The following RNF128 variants were observed in gnomAD, a reference collection of about 807,000 sequenced individuals.
The protein encoded by RNF128 is ring finger protein 128.
In RNF128, 13 loss-of-function variants were observed where a neutral mutation model predicts 26.2. That is an observed-to-expected ratio of 0.50 (90% CI 0.32 to 0.79). The LOEUF (loss-of-function observed/expected upper bound fraction) is 0.79, where lower values mean the gene tolerates loss of function less well. Among genes scored for constraint, RNF128 ranks in the 30% least tolerant of loss-of-function variants. The pLI is 0.03. For missense variants in RNF128, 315 were observed against 349.7 expected (o/e 0.90, Z 0.79); for synonymous variants, 149 against 142.5 (o/e 1.05, Z -0.32).
chrX:106,761,984 A>C, intron 1 of RNF128, among the ~76,000 whole-genome samples: 1 of 109,838 alleles, frequency 9.1e-6, no homozygotes, highest in Non-Finnish European at 1.9e-5. Context: ...TTTATAATTG[A>C]CACATAATTG....
At chrX:106,756,036 G>C (rs1468566225) in intron 1 of RNF128, among the ~76,000 whole-genome samples, 2 of 110,256 alleles carry the variant, frequency 1.8e-5, no homozygotes, top group East Asian at 5.7e-4. Flanking sequence ...CAAGGGATGT[G>C]AAGGACCTCT....
At chrX:106,762,097 ATTTG>A (rs1053730710) in intron 1 of RNF128, among the ~76,000 whole-genome samples, 6 of 110,745 alleles carry the variant, frequency 5.4e-5, no homozygotes, top group African/African-American at 2.0e-4. Context: ...AACATTTTTC[ATTTG>A]TTTGTGGTAA....
chrX:106,740,350 G>T (rs905661184), intron 1 of RNF128, among the ~76,000 whole-genome samples: 37 of 111,185 alleles, frequency 3.3e-4, no homozygotes, highest in African/African-American at 1.0e-3. Context: ...AACATTTAAG[G>T]TACAGAGTAC....
At chrX:106,719,355 G>A (rs767595650) in intron 1 of RNF128, among the ~76,000 whole-genome samples, 3 of 110,696 alleles carry the variant, frequency 2.7e-5, no homozygotes, top group Non-Finnish European at 5.7e-5. Context: ...CGAGTACCTG[G>A]GATTACAGGT....
upstream of RNF128, among the ~76,000 whole-genome samples, chrX:106,722,713 A>G (rs757033338): frequency 8.9e-6 from 1 of 111,744 alleles, no homozygotes; most frequent in South Asian, 3.8e-4. Context: ...AGACCAATAT[A>G]TAAGCCAGAA....
chrX:106,694,407 T>C (rs201396943), exon 1 of RNF128: 184 of 1,171,323 alleles, frequency 1.6e-4, no homozygotes, highest in Non-Finnish European at 2.0e-4. Flanking sequence ...TGGCAAATTT[T>C]GGTAAGTAAT....
chrX:106,744,104 G>A (rs1184231226), intron 1 of RNF128, among the ~76,000 whole-genome samples: 6 of 108,691 alleles, frequency 5.5e-5, no homozygotes, highest in African/African-American at 2.0e-4. Context: ...GGCCTGTTGG[G>A]TGGGGGAAGG....
chrX:106,716,094 T>C (rs1179253364), intron 1 of RNF128, among the ~76,000 whole-genome samples: 2 of 111,741 alleles, frequency 1.8e-5, no homozygotes, highest in African/African-American at 3.3e-5. Flanking sequence ...TGCTATATCC[T>C]CTACTGAAAT....
At chrX:106,720,064 A>G (rs762937180) in intron 1 of RNF128, among the ~76,000 whole-genome samples, 1 of 111,299 alleles carries the variant, frequency 9.0e-6, no homozygotes, top group East Asian at 2.8e-4. Context: ...GGAAACCTGA[A>G]AAGGAAAGAT....
At chrX:106,758,724 T>A (rs1236688184) in intron 1 of RNF128, among the ~76,000 whole-genome samples, 1 of 111,759 alleles carries the variant, frequency 8.9e-6, no homozygotes, top group Non-Finnish European at 1.9e-5. Context: ...AAACTGCATA[T>A]CCATGTGCAG....
At chrX:106,757,615 G>A (rs1263927449) in intron 1 of RNF128, among the ~76,000 whole-genome samples, 2 of 86,485 alleles carry the variant, frequency 2.3e-5, no homozygotes, top group Admixed American at 2.6e-4. Flanking sequence ...GGATAGCATT[G>A]GGAGATATAC....
At chrX:106,713,154 T>C (rs2147662124) in intron 1 of RNF128, among the ~76,000 whole-genome samples, 1 of 106,908 alleles carries the variant, frequency 9.4e-6, no homozygotes, top group East Asian at 3.1e-4. Context: ...CCCAAAGTGC[T>C]GGGATTACAG....
At chrX:106,730,529 T>C (rs946994076) in intron 1 of RNF128, among the ~76,000 whole-genome samples, 1 of 112,211 alleles carries the variant, frequency 8.9e-6, no homozygotes. Context: ...TGTAAGATTG[T>C]CACGAGACAC....
chrX:106,726,080 G>A (rs1297953046), upstream of RNF128, among the ~76,000 whole-genome samples: 1 of 112,545 alleles, frequency 8.9e-6, no homozygotes, highest in Admixed American at 9.4e-5. Flanking sequence ...TCTGAGGTGT[G>A]TGAAAACAGT....
rs771352034 is a variant in RNF128 at position 106,787,875 on chromosome X, T to C, written c.805-43T>C. 3 of 948,274 alleles carry C rather than the reference T, an allele frequency of 3.2e-6. No individual in the cohort carries two copies. The South Asian group carries it at 6.2e-5, about 20-fold the overall frequency. 78.1% of individuals were successfully genotyped at this position (948,274 alleles called of 1,213,427 possible). A position where few individuals can be genotyped will look rare whatever the true frequency, so the allele number is the denominator to read the frequency against. ...TGATCTTGTTCTGTAGTTTAATGTATTTTTTCTTATCTGTCAGAGTAACAA... is the reference window on the plus strand; with the variant it reads ...TGATCTTGTTCTGTAGTTTAATGTACTTTTTCTTATCTGTCAGAGTAACAA... On this transcript the variant is annotated intron_variant, in intron 3 of 6. Transcript: ENST00000255499.
At chrX:106,764,057 G>A (rs1054156240) in intron 1 of RNF128, among the ~76,000 whole-genome samples, 1 of 108,420 alleles carries the variant, frequency 9.2e-6, no homozygotes, top group South Asian at 4.2e-4. Context: ...CCACCTCCCG[G>A]GTTCACGCCA....
chrX:106,718,702 G>A (rs1027390531), intron 1 of RNF128, among the ~76,000 whole-genome samples: 1 of 111,418 alleles, frequency 9.0e-6, no homozygotes, highest in Non-Finnish European at 1.9e-5. Flanking sequence ...AGTCAAAACC[G>A]AAGTCATTTT....
chrX:106,770,807 A>T (rs1930356443), intron 1 of RNF128, among the ~76,000 whole-genome samples: 1 of 112,157 alleles, frequency 8.9e-6, no homozygotes, highest in Non-Finnish European at 1.9e-5. Context: ...GAGGAGCTGC[A>T]TTCCTTTGGA....
chrX:106,728,044 A>G (rs776265879), intron 1 of RNF128, among the ~76,000 whole-genome samples: 1 of 111,721 alleles, frequency 9.0e-6, no homozygotes, highest in Non-Finnish European at 1.9e-5. Context: ...TTCTTGAAAA[A>G]GAAGAGGTTT....
Sources: allele counts gnomAD v4.1 joint callset (sites outside exome capture counted in the v4.1 genomes callset), GRCh38; gene constraint gnomAD v4.1.1; transcripts MANE v1.5; gene names NCBI Gene and HGNC (gene_info 2026-07-23, HGNC 2026-07-21).